Variants in MRTFA observed in about 807,000 individuals in gnomAD.
MRTFA encodes the protein myocardin related transcription factor A.
MRTFA carries 20 observed loss-of-function variants against 83.5 expected under a neutral mutation model. The observed-to-expected ratio is 0.24, with a 90% CI of 0.17 to 0.35. The LOEUF (loss-of-function observed/expected upper bound fraction) is 0.35. Among genes scored for constraint, MRTFA ranks in the 10% least tolerant of loss-of-function variants. MRTFA has a pLI of 1.00. For synonymous variants in MRTFA, 659 were observed against 541.2 expected (o/e 1.22, Z -3.02); for missense variants, 1,200 against 1,224.7 (o/e 0.98, Z 0.30).
At chr22:40,485,731 C>T (rs2054164367) in intron 3 of MRTFA, among the ~76,000 whole-genome samples, 1 of 152,030 alleles carries the variant, frequency 6.6e-6, no homozygotes, top group South Asian at 2.1e-4. Flanking sequence ...AGGAGAACTG[C>T]GGAATCTCAA....
At chr22:40,496,182 A>C (rs569429745) in intron 3 of MRTFA, among the ~76,000 whole-genome samples, 1 of 152,280 alleles carries the variant, frequency 6.6e-6, no homozygotes, top group East Asian at 1.9e-4. Context: ...TGAGATATTT[A>C]ACATCTCTAT....
At chr22:40,627,101 C>CA (rs992759261) in intron 1 of MRTFA, among the ~76,000 whole-genome samples, 66 of 145,254 alleles carry the variant, frequency 4.5e-4, no homozygotes, top group Middle Eastern at 7.0e-3. Context: ...GAAACACTGA[C>CA]AAAAAAAAAA....
intron 3 of MRTFA, among the ~76,000 whole-genome samples, chr22:40,485,883 C>T (rs2054166891): frequency 6.6e-6 from 1 of 152,212 alleles, no homozygotes; most frequent in Admixed American, 6.5e-5. Flanking sequence ...AGTCCTAAGG[C>T]ATCTCCCTCA....
chr22:40,423,532 G>A lies in MRTFA; in HGVS notation c.927+4C>T. The stretch of plus-strand genomic sequence containing the variant: ...GGAGGGTACAATCACTGGCAGAAAT[G>A]TACCTTAATGAGTGTGGGGGTGGAC... On this transcript the variant is annotated splice_donor_region_variant and intron_variant, in intron 9 of 14. Coordinates refer to ENST00000355630, the MANE Select transcript of MRTFA (RefSeq NM_020831.6). 1 of 1,488,944 alleles carries A rather than the reference G, an allele frequency of 6.7e-7. No homozygotes were observed. 92.2% of individuals were successfully genotyped at this position (1,488,944 alleles called of 1,614,324 possible).
intron 3 of MRTFA, among the ~76,000 whole-genome samples, chr22:40,503,995 A>C (rs2054539836): frequency 6.6e-6 from 1 of 152,256 alleles, no homozygotes; most frequent in African/African-American, 2.4e-5. Flanking sequence ...TTAATTCAAA[A>C]GATTCAGTTA....
intron 3 of MRTFA, among the ~76,000 whole-genome samples, chr22:40,504,341 T>C (rs1375938682): frequency 2.6e-5 from 4 of 152,166 alleles, no homozygotes; most frequent in African/African-American, 9.7e-5. Flanking sequence ...ATCACATCAC[T>C]ATACTCCAGC....
intron 13 of MRTFA, 49 bp from the exon 14 acceptor site, chr22:40,417,095 G>A (rs1198614201): frequency 1.3e-6 from 2 of 1,540,286 alleles, no homozygotes; most frequent in East Asian, 2.4e-5. Context: ...TTGAATGGGG[G>A]CTCCCAGCCC....
chr22:40,413,137 CAAAAAAAAA>C (rs35119560), intron 14 of MRTFA, among the ~76,000 whole-genome samples: 82 of 28,144 alleles, frequency 2.9e-3, no homozygotes, highest in South Asian at 7.2e-3. Context: ...CACCCTGTCT[CAAAAAAAAA>C]AAAAAAAAAA....
rs1438292271 is a variant in MRTFA, at chr22:40,459,780, TATAC to T, written c.307+3437_307+3440del. Among the ~76,000 whole-genome samples the T allele has an allele frequency of 6.9e-3, 560 of 80,772 alleles. 2 individuals carry two copies. Among genetic ancestry groups the T allele is most frequent in the South Asian group, 0.012 (26 of 2,102 alleles). The allele number at this position is 80,772 out of a possible 152,430, so 53.0% of individuals were successfully genotyped here. A position where few individuals can be genotyped will look rare whatever the true frequency, so the allele number is the denominator to read the frequency against. Reference sequence around the variant, plus strand: ...GGCACTGGGGACGGGACTGATAAAATATACACACACACACACACACACACACACA... The same window carrying T: ...GGCACTGGGGACGGGACTGATAAAATACACACACACACACACACACACACA... On this transcript the variant is annotated intron_variant, in intron 4 of 14. Transcript: ENST00000355630.
At chr22:40,608,074 G>C (rs1469990822) in intron 1 of MRTFA, among the ~76,000 whole-genome samples, 1 of 152,158 alleles carries the variant, frequency 6.6e-6, no homozygotes, top group Non-Finnish European at 1.5e-5. Context: ...GCCCAGGCTG[G>C]AGTGCAGTGG....
chr22:40,444,753 T>G (rs1171656718), intron 4 of MRTFA, among the ~76,000 whole-genome samples: 1 of 151,904 alleles, frequency 6.6e-6, no homozygotes, highest in African/African-American at 2.4e-5. Context: ...TGCTTCTGAC[T>G]TGATGTTTTA....
rs2054502256 is a variant in MRTFA at position 40,502,274 on chromosome 22, G to A, written c.242-38988C>T. 3.0e-5 allele frequency among the ~76,000 whole-genome samples: 4 copies of A among 135,534 alleles called. 1 individual carries two copies. Among genetic ancestry groups the A allele is most frequent in the Middle Eastern group, 8.1e-3 (2 of 248 alleles). The allele number at this position is 135,534 out of a possible 152,430, so 88.9% of individuals were successfully genotyped here. ...TCCTCACTTCTCAGACGGGGCGGCT[G>A]CCGGGCGGAGGGGCTCCTCACTTCT... On this transcript the variant is annotated intron_variant, in intron 3 of 14. Coordinates refer to ENST00000355630, the MANE Select transcript of MRTFA (RefSeq NM_020831.6).
At position 40,410,910 on chromosome 22, in the gene MRTFA, T is replaced by C; in HGVS notation, c.*480A>G. ...ACTAAAATGGCAGGGAGCCCTGGGATCCTGGGGTTGGCAGACACAGGGAAT... is the reference window on the plus strand; with the variant it reads ...ACTAAAATGGCAGGGAGCCCTGGGACCCTGGGGTTGGCAGACACAGGGAAT... On this transcript the variant is annotated 3_prime_UTR_variant, in exon 15 of 15. Transcript: ENST00000355630. 1 of 234,358 alleles carries C rather than the reference T, an allele frequency of 4.3e-6. No individual in the cohort carries two copies. The highest frequency in any genetic ancestry group is 8.4e-6 in the Non-Finnish European group (1 of 119,196). 14.5% of individuals were successfully genotyped at this position (234,358 alleles called of 1,614,324 possible).
At chr22:40,521,033 T>C (rs917647475) in intron 3 of MRTFA, among the ~76,000 whole-genome samples, 1 of 151,958 alleles carries the variant, frequency 6.6e-6, no homozygotes, top group Non-Finnish European at 1.5e-5. Flanking sequence ...TAATAAGAAA[T>C]AATAAACAGC....
intron 5 of MRTFA, among the ~76,000 whole-genome samples, chr22:40,433,896 T>C (rs1042225051): frequency 2.0e-5 from 3 of 152,210 alleles, no homozygotes; most frequent in East Asian, 1.9e-4. Context: ...GGTAAGCAAA[T>C]TGAACGTTAT....
At chr22:40,531,321 T>G (rs1048053652) in intron 3 of MRTFA, among the ~76,000 whole-genome samples, 2 of 149,632 alleles carry the variant, frequency 1.3e-5, no homozygotes, top group Non-Finnish European at 3.0e-5. Flanking sequence ...ACTCTTGGGC[T>G]TAAGCGATCC....
At chr22:40,506,662 G>C (rs1035844232) in intron 3 of MRTFA, among the ~76,000 whole-genome samples, 11 of 152,104 alleles carry the variant, frequency 7.2e-5, no homozygotes, top group African/African-American at 2.7e-4. Context: ...TCTAAATGGG[G>C]GGGTGATGAA....
At chr22:40,555,086 G>GGAAGTAAATAAC (rs1203058882) in intron 2 of MRTFA, among the ~76,000 whole-genome samples, 7 of 152,204 alleles carry the variant, frequency 4.6e-5, no homozygotes, top group African/African-American at 7.2e-5. Context: ...TAAATAACTT[G>GGAAGTAAATAAC]TCTTTGATTT....
At chr22:40,578,962 G>A in intron 2 of MRTFA, among the ~76,000 whole-genome samples, 1 of 152,116 alleles carries the variant, frequency 6.6e-6, no homozygotes, top group Non-Finnish European at 1.5e-5. Flanking sequence ...ATAAAAAGCA[G>A]CCAAGTGTGG....
Sources: gnomAD v4.1 joint callset for allele counts (sites outside exome capture counted in the v4.1 genomes callset) on GRCh38, gnomAD v4.1.1 for gene constraint, MANE v1.5 for transcripts, NCBI Gene and HGNC (gene_info 2026-07-23, HGNC 2026-07-21) for gene names.